GSTCD: variants seen among roughly 807,000 people sequenced by gnomAD.
GSTCD encodes the protein glutathione S-transferase C-terminal domain-containing protein.
In GSTCD, 44 loss-of-function variants were observed where a neutral mutation model predicts 68.3. The ratio of observed to expected loss-of-function variants is 0.64; its 90% confidence interval spans 0.51 to 0.83. The LOEUF is 0.83. Among genes scored for constraint, GSTCD ranks in the 40% least tolerant of loss-of-function variants. GSTCD has a pLI of 0.00. For missense variants in GSTCD, 739 were observed against 735.9 expected, an observed-to-expected ratio of 1.00 and a Z score of -0.05; for synonymous variants, 273 against 255.2, an observed-to-expected ratio of 1.07 and a Z score of -0.67.
chr4:105,777,085 C>T (rs1216502276), intron 5 of GSTCD, among the ~76,000 whole-genome samples: 1 of 152,174 alleles, frequency 6.6e-6, no homozygotes, highest in African/African-American at 2.4e-5. Context: ...TAACTTTCTT[C>T]ATGCAATGGG....
chr4:105,840,704 C>T (rs1724299910), intron 10 of GSTCD, among the ~76,000 whole-genome samples: 1 of 152,206 alleles, frequency 6.6e-6, no homozygotes, highest in Admixed American at 6.5e-5. Context: ...GAGTACTGTG[C>T]AAAATCATCA....
At chr4:105,807,423 G>C (rs1414844274) in intron 5 of GSTCD, 1 of 151,988 alleles carries the variant, frequency 6.6e-6, no homozygotes, top group East Asian at 1.9e-4. Context: ...CACTCTCTTT[G>C]AATATGCAAT....
At chr4:105,733,579 G>T (rs574362859) in intron 5 of GSTCD, among the ~76,000 whole-genome samples, 8 of 152,296 alleles carry the variant, frequency 5.3e-5, no homozygotes, top group Middle Eastern at 3.4e-3. Flanking sequence ...GCCTATGTGT[G>T]TCTCTGCACG....
intron 5 of GSTCD, among the ~76,000 whole-genome samples, chr4:105,797,527 C>G (rs1735943067): frequency 1.3e-5 from 2 of 151,950 alleles, no homozygotes; most frequent in African/African-American, 4.8e-5. Context: ...AAAAAAAATG[C>G]TAAGCATCAT....
At position 105,799,645 on chromosome 4, in the gene GSTCD, C is replaced by T. The variant is rs141765854; in HGVS notation, c.1241-23309C>T. ...TAAGTGGGCATGGTTCGTGGCTCCC[C>T]AAAATAATTTCAATAGTAACAACAA... On this transcript the variant is annotated intron_variant, in intron 5 of 11. Coordinates refer to ENST00000515279, the MANE Select transcript of GSTCD (RefSeq NM_001370181.1). Among the ~76,000 whole-genome samples, 315 of 151,950 alleles carry T rather than the reference C, an allele frequency of 2.1e-3. 2 individuals carry two copies. Among genetic ancestry groups the T allele is most frequent in the African/African-American group, 7.5e-3 (309 of 41,418 alleles).
Position 105,825,733 on chromosome 4 carries a change from T to C in GSTCD, c.1463T>C (p.Leu488Pro), listed in dbSNP as rs754452761. ...LIRAKKRSDE[L>P]GLSNIWFIQA... is the part of the protein sequence containing the mutation. The stretch of plus-strand genomic sequence containing the variant: ...CGTGCTAAGAAGAGAAGTGATGAAC[T>C]GGGTTTAAGCAACATTTGGTTCATT... Residue 488 changes from leucine to proline, a missense_variant, in exon 8 of 12, where the codon CTG (leucine) becomes CCG (proline). Transcript: ENST00000515279. 6.5e-7 allele frequency: 1 copy of C among 1,540,622 alleles called. No homozygotes were observed. The highest frequency in any genetic ancestry group is 2.3e-5 in the East Asian group (1 of 44,302).
At chr4:105,758,332 T>A (rs891929677) in intron 5 of GSTCD, among the ~76,000 whole-genome samples, 1 of 152,170 alleles carries the variant, frequency 6.6e-6, no homozygotes, top group Non-Finnish European at 1.5e-5. Flanking sequence ...TGTTGAATTG[T>A]AATCCCCAGT....
intron 5 of GSTCD, among the ~76,000 whole-genome samples, chr4:105,790,388 G>A (rs185695461): frequency 5.9e-5 from 9 of 152,244 alleles, no homozygotes; most frequent in African/African-American, 1.9e-4. Context: ...GCTGGGCATG[G>A]TGGCTTATGC....
chr4:105,821,804 T>G (rs1343763517), intron 5 of GSTCD, among the ~76,000 whole-genome samples: 1 of 151,876 alleles, frequency 6.6e-6, no homozygotes, highest in East Asian at 1.9e-4. Flanking sequence ...TGAATATAAT[T>G]GAAAGTAACC....
At chr4:105,762,830 A>T (rs931188384) in intron 5 of GSTCD, among the ~76,000 whole-genome samples, 4 of 152,156 alleles carry the variant, frequency 2.6e-5, no homozygotes, top group Non-Finnish European at 4.4e-5. Flanking sequence ...TCTTTCCTAC[A>T]TGTTTCTGAA....
chr4:105,725,803 A>G (rs1733010868), intron 3 of GSTCD, among the ~76,000 whole-genome samples: 1 of 152,112 alleles, frequency 6.6e-6, no homozygotes, highest in Non-Finnish European at 1.5e-5. Flanking sequence ...ATCATTAATC[A>G]TAGGGAAATG....
At chr4:105,771,836 T>C (rs1376674208) in intron 5 of GSTCD, among the ~76,000 whole-genome samples, 1 of 152,202 alleles carries the variant, frequency 6.6e-6, no homozygotes, top group African/African-American at 2.4e-5. Context: ...TTGCTTAGGA[T>C]TGTCTTGGCT....
At chr4:105,725,641 C>T (rs1349092140) in intron 3 of GSTCD, among the ~76,000 whole-genome samples, 3 of 151,962 alleles carry the variant, frequency 2.0e-5, no homozygotes, top group Non-Finnish European at 2.9e-5. Context: ...GTTGTCTACT[C>T]AGATCTTTTG....
At chr4:105,796,139 C>T (rs1319248715) in intron 5 of GSTCD, among the ~76,000 whole-genome samples, 3 of 152,130 alleles carry the variant, frequency 2.0e-5, no homozygotes, top group Non-Finnish European at 2.9e-5. Flanking sequence ...CTGGGGAGGC[C>T]TCACAATAAT....
chr4:105,764,476 T>C (rs72671895), intron 5 of GSTCD, among the ~76,000 whole-genome samples: 8,163 of 152,226 alleles, frequency 0.054, 249 homozygotes, highest in Middle Eastern at 0.14. Context: ...CAATAGAAAT[T>C]AAGTTTTTCA....
intron 5 of GSTCD, among the ~76,000 whole-genome samples, chr4:105,799,388 A>G (rs1736019956): frequency 6.6e-6 from 1 of 152,168 alleles, no homozygotes. Context: ...TCAGCTTTCA[A>G]CATGCCTTCC....
intron 5 of GSTCD, among the ~76,000 whole-genome samples, chr4:105,777,749 A>G (rs1735125478): frequency 6.6e-6 from 1 of 152,182 alleles, no homozygotes; most frequent in Non-Finnish European, 1.5e-5. Flanking sequence ...GATGTTAGTA[A>G]TGACTTCTGT....
At chr4:105,749,721 A>G (rs1442999445) in intron 5 of GSTCD, among the ~76,000 whole-genome samples, 1 of 152,124 alleles carries the variant, frequency 6.6e-6, no homozygotes, top group Admixed American at 6.5e-5. Flanking sequence ...AGAAGAAAAT[A>G]TACACAAAAT....
chr4:105,845,083 A>G lies in GSTCD; in HGVS notation c.1766-358A>G, dbSNP rs986463780. 4.6e-5 allele frequency among the ~76,000 whole-genome samples: 7 copies of G among 152,222 alleles called. No homozygotes were observed. The East Asian group carries it at 1.2e-3, about 25-fold the overall frequency. ...TCTTAAAGACAAATTTTTTTTCCAC[A>G]TTACAGATAATCTAGTTTTATAGGG... On this transcript the variant is annotated intron_variant, in intron 11 of 11. Coordinates refer to ENST00000515279, the MANE Select transcript of GSTCD (RefSeq NM_001370181.1).
Sources: allele counts gnomAD v4.1 joint callset (sites outside exome capture counted in the v4.1 genomes callset), GRCh38; gene constraint gnomAD v4.1.1; transcripts MANE v1.5; gene names NCBI Gene and HGNC (gene_info 2026-07-23, HGNC 2026-07-21).